Variants in DCBLD1 observed in about 807,000 individuals in gnomAD.
DCBLD1 encodes discoidin, CUB and LCCL domain-containing protein 1.
Under a neutral mutation model 71.5 loss-of-function variants are expected in DCBLD1, and 57 were observed. The observed-to-expected ratio is 0.80, with a 90% CI of 0.64 to 0.99. The LOEUF (loss-of-function observed/expected upper bound fraction) is 0.99, where lower values mean the gene tolerates loss of function less well. Among genes scored for constraint, DCBLD1 ranks in the 50% least tolerant of loss-of-function variants. The probability of loss-of-function intolerance (pLI) is 0.00; values close to 1 mark genes in which losing one functional copy is unlikely to be tolerated. For synonymous variants in DCBLD1, 380 were observed against 363.8 expected (o/e 1.04, Z -0.51); for missense variants, 891 against 923.5 (o/e 0.96, Z 0.46).
At chr6:117,506,858 C>T (rs957062225) in intron 2 of DCBLD1, among the ~76,000 whole-genome samples, 3 of 152,206 alleles carry the variant, frequency 2.0e-5, no homozygotes, top group African/African-American at 4.8e-5. Context: ...TGAAATTCAG[C>T]AGGGAGAGAA....
At chr6:117,544,264 A>T (rs941909900) in intron 12 of DCBLD1, 1 of 359,642 alleles carries the variant, frequency 2.8e-6, no homozygotes, top group Non-Finnish European at 4.9e-6. Flanking sequence ...GATAAACTTA[A>T]TAAGGCACTG....
intron 1 of DCBLD1, among the ~76,000 whole-genome samples, chr6:117,501,321 C>A (rs533863112): frequency 7.1e-4 from 103 of 144,582 alleles, no homozygotes; most frequent in South Asian, 1.1e-3. Context: ...GTTGTCACGT[C>A]TTTCAGTTGT....
chr6:117,555,991 A>G (rs1274747862), intron 14 of DCBLD1, among the ~76,000 whole-genome samples: 4 of 152,128 alleles, frequency 2.6e-5, no homozygotes, highest in African/African-American at 9.7e-5. Context: ...ATCAGCCTTC[A>G]ATTTATTGAT....
chr6:117,511,681 T>C (rs1778026582), intron 2 of DCBLD1, among the ~76,000 whole-genome samples: 1 of 152,234 alleles, frequency 6.6e-6, no homozygotes, highest in Non-Finnish European at 1.5e-5. Context: ...GATCTAATAA[T>C]TACAACTTAT....
intron 4 of DCBLD1, among the ~76,000 whole-genome samples, chr6:117,525,145 G>C (rs946396830): frequency 6.6e-6 from 1 of 152,060 alleles, no homozygotes; most frequent in African/African-American, 2.4e-5. Flanking sequence ...TAGACTTTAT[G>C]GTGAATCCTT....
At chr6:117,540,445 C>CA (rs896173170) in intron 9 of DCBLD1, 29 of 501,464 alleles carry the variant, frequency 5.8e-5, no homozygotes, top group Middle Eastern at 5.3e-4. Flanking sequence ...CTTCTTTATC[C>CA]AAAATGAAAT....
intron 1 of DCBLD1, among the ~76,000 whole-genome samples, chr6:117,486,545 G>A (rs1257419001): frequency 6.6e-6 from 1 of 152,182 alleles, no homozygotes; most frequent in African/African-American, 2.4e-5. Flanking sequence ...CTCTCTAGCT[G>A]TTTGGTTTTT....
intron 4 of DCBLD1, among the ~76,000 whole-genome samples, chr6:117,523,278 A>T (rs1357131075): frequency 6.6e-6 from 1 of 152,170 alleles, no homozygotes; most frequent in African/African-American, 2.4e-5. Context: ...AGGCCTGGTG[A>T]CTGATACAGG....
At chr6:117,566,463 A>C (rs1779698947) in intron 14 of DCBLD1, among the ~76,000 whole-genome samples, 1 of 152,218 alleles carries the variant, frequency 6.6e-6, no homozygotes, top group Non-Finnish European at 1.5e-5. Context: ...AGTATACTTC[A>C]TACTTATTCA....
chr6:117,500,335 C>T (rs1168812269), intron 1 of DCBLD1, among the ~76,000 whole-genome samples: 6 of 152,184 alleles, frequency 3.9e-5, no homozygotes, highest in Non-Finnish European at 7.3e-5. Context: ...TAGGACTCAG[C>T]ACTTCCTTTG....
At chr6:117,564,728 G>C (rs922164209) in intron 14 of DCBLD1, among the ~76,000 whole-genome samples, 2 of 152,136 alleles carry the variant, frequency 1.3e-5, no homozygotes, top group African/African-American at 2.4e-5. Context: ...AAAAGGAAGA[G>C]ACAGGCTTTC....
chr6:117,530,053 A>G (rs921500693), intron 5 of DCBLD1, among the ~76,000 whole-genome samples: 5 of 152,184 alleles, frequency 3.3e-5, no homozygotes, highest in African/African-American at 7.2e-5. Flanking sequence ...CAGGGTTCCT[A>G]GTATGAAGAC....
At chr6:117,518,562 G>C (rs540737543) in intron 2 of DCBLD1, among the ~76,000 whole-genome samples, 95 of 152,260 alleles carry the variant, frequency 6.2e-4, no homozygotes, top group African/African-American at 2.3e-3. Context: ...CTGAGACTGG[G>C]CAATTTACAA....
chr6:117,527,538 A>G (rs530256137), intron 5 of DCBLD1, among the ~76,000 whole-genome samples: 1 of 152,338 alleles, frequency 6.6e-6, no homozygotes, highest in African/African-American at 2.4e-5. Context: ...TATTATAGAA[A>G]AGGCATTGGT....
chr6:117,548,704 C>G lies in DCBLD1; in HGVS notation c.*265C>G. 1 of 1,385,354 alleles carries G rather than the reference C, an allele frequency of 7.2e-7. No homozygotes were observed. The allele number at this position is 1,385,354 out of a possible 1,614,324, so 85.8% of individuals were successfully genotyped here. A position where few individuals can be genotyped will look rare whatever the true frequency, so the allele number is the denominator to read the frequency against. On this transcript the variant is annotated 3_prime_UTR_variant, in exon 15 of 15. Coordinates refer to ENST00000338728, the MANE Select transcript of DCBLD1 (RefSeq NM_001366458.2). ...AAAATTTTCAGATGGCGTTTTCATT[C>G]CTCTGACTGATATTGAGCTGCTTTG...
chr6:117,550,624 A>G (rs1779412586), downstream of DCBLD1, among the ~76,000 whole-genome samples: 1 of 152,168 alleles, frequency 6.6e-6, no homozygotes, highest in Non-Finnish European at 1.5e-5. Flanking sequence ...CAGCCTAGAA[A>G]ATAGAAAGGA....
At chr6:117,510,450 A>G (rs1194210504) in intron 2 of DCBLD1, among the ~76,000 whole-genome samples, 1 of 152,106 alleles carries the variant, frequency 6.6e-6, no homozygotes, top group Admixed American at 6.6e-5. Flanking sequence ...GATGTTCATC[A>G]GTTTGTCCCT....
In DCBLD1 at chr6:117,548,326, G is replaced by A. The variant is rs1241355932; in HGVS notation, c.2035G>A (p.Gly679Arg). ...KAVSALATES[G>R]HPDSQKPPTH... Reference sequence around the variant, plus strand: ...TGTCAGCGCCCTCGCCACCGAAAGCGGGCACCCTGACTCTCAGAAGCCCCC... The same window carrying A: ...TGTCAGCGCCCTCGCCACCGAAAGCAGGCACCCTGACTCTCAGAAGCCCCC... The change falls in exon 15 of 15, where the codon GGG (glycine) becomes AGG (arginine). Residue 679 changes from glycine to arginine, a missense_variant. Transcript: ENST00000338728. 5.2e-6 allele frequency: 8 copies of A among 1,550,696 alleles called. No individual in the cohort carries two copies. Among genetic ancestry groups the A allele is most frequent in the Admixed American group, 2.0e-5 (1 of 51,008 alleles).
chr6:117,540,557 A>C (rs1384792901), intron 9 of DCBLD1, 111 bp from the exon 10 acceptor site: 5 of 1,369,460 alleles, frequency 3.7e-6, no homozygotes, highest in Non-Finnish European at 5.0e-6. Context: ...AGAAAAATGC[A>C]ACCGACATAG....
Sources: gnomAD v4.1 joint callset for allele counts (sites outside exome capture counted in the v4.1 genomes callset) on GRCh38, gnomAD v4.1.1 for gene constraint, MANE v1.5 for transcripts, NCBI Gene and HGNC (gene_info 2026-07-23, HGNC 2026-07-21) for gene names.